Variants in COL21A1 observed in about 807,000 individuals in gnomAD.
The protein encoded by COL21A1 is collagen type XXI alpha 1 chain.
Under a neutral mutation model 137.9 loss-of-function variants are expected in COL21A1, and 149 were observed. That is an observed-to-expected ratio of 1.08 (90% confidence interval 0.95 to 1.24). The LOEUF (loss-of-function observed/expected upper bound fraction) is 1.24, where lower values mean the gene tolerates loss of function less well. COL21A1 is among the 50% of genes most tolerant of loss of function. The pLI is 0.00. For missense variants in COL21A1, 1,167 were observed against 1,158.4 expected, an observed-to-expected ratio of 1.01 and a Z score of -0.11; for synonymous variants, 456 against 391.5, an observed-to-expected ratio of 1.16 and a Z score of -1.95.
intron 1 of COL21A1, chr6:56,225,892 G>C (rs1781153131): frequency 6.6e-6 from 1 of 151,952 alleles, no homozygotes; most frequent in Admixed American, 6.6e-5. Context: ...TGTGGGCTTT[G>C]TTTCCTGGGT....
intron 1 of COL21A1, among the ~76,000 whole-genome samples, chr6:56,325,857 T>TATATATTTAC (rs1765062130): frequency 1.6e-5 from 1 of 60,964 alleles, no homozygotes; most frequent in African/African-American, 6.0e-5. Context: ...ATATATAATA[T>TATATATTTAC]ATTATATATA....
chr6:56,259,208 A>G (rs1763189234), intron 1 of COL21A1, among the ~76,000 whole-genome samples: 1 of 152,210 alleles, frequency 6.6e-6, no homozygotes, highest in African/African-American at 2.4e-5. Flanking sequence ...TTGGATTGTG[A>G]TGGTCTCAGA....
At chr6:56,082,468 T>C (rs1403991413) in intron 17 of COL21A1, among the ~76,000 whole-genome samples, 3 of 151,988 alleles carry the variant, frequency 2.0e-5, no homozygotes, top group Non-Finnish European at 2.9e-5. Context: ...GAAAAGTACC[T>C]ACCACATTTT....
At chr6:56,233,240 G>A (rs979653861) in intron 1 of COL21A1, among the ~76,000 whole-genome samples, 1 of 151,652 alleles carries the variant, frequency 6.6e-6, no homozygotes, top group African/African-American at 2.4e-5. Context: ...TAATTATTGG[G>A]GGCAAGCTCC....
chr6:56,200,365 T>C (rs536148331), intron 1 of COL21A1, among the ~76,000 whole-genome samples: 2 of 152,208 alleles, frequency 1.3e-5, no homozygotes, highest in South Asian at 4.1e-4. Context: ...GCAGGTTGGT[T>C]ACATATGTAT....
At chr6:56,286,142 C>T (rs9357902) in intron 1 of COL21A1, among the ~76,000 whole-genome samples, 104,085 of 152,048 alleles carry the variant, frequency 0.68, 36,648 homozygotes, top group African/African-American at 0.76. Context: ...GGCCATGATA[C>T]AGTTTATGCA....
chr6:56,085,461 T>C (rs539824633), intron 17 of COL21A1, among the ~76,000 whole-genome samples: 1 of 152,230 alleles, frequency 6.6e-6, no homozygotes, highest in South Asian at 2.1e-4. Context: ...TTTCATATTA[T>C]CATTTATGAC....
chr6:56,167,693 C>T (rs1228953035), intron 6 of COL21A1, among the ~76,000 whole-genome samples: 2 of 152,136 alleles, frequency 1.3e-5, no homozygotes, highest in African/African-American at 4.8e-5. Context: ...ACCACAATTG[C>T]TTTATTTTTA....
chr6:56,229,211 T>C (rs1226203325), intron 1 of COL21A1, among the ~76,000 whole-genome samples: 2 of 151,878 alleles, frequency 1.3e-5, no homozygotes, highest in East Asian at 3.9e-4. Flanking sequence ...AGAAACCCTG[T>C]CTCTACAAAA....
intron 1 of COL21A1, among the ~76,000 whole-genome samples, chr6:56,367,172 C>T (rs1179694082): frequency 6.6e-6 from 1 of 152,196 alleles, no homozygotes; most frequent in African/African-American, 2.4e-5. Context: ...CCATTATTCA[C>T]TGATTACTGT....
At chr6:56,284,381 T>C (rs1763854992) in intron 1 of COL21A1, among the ~76,000 whole-genome samples, 2 of 152,194 alleles carry the variant, frequency 1.3e-5, no homozygotes, top group South Asian at 2.1e-4. Context: ...TGTTAAAAAG[T>C]GATCTTCACA....
rs938962355 is a variant in COL21A1, at chr6:56,211,253, T to C, written c.-38-28597A>G. 2.0e-4 allele frequency among the ~76,000 whole-genome samples: 21 copies of C among 105,978 alleles called. 1 individual carries two copies. The highest frequency in any genetic ancestry group is 7.3e-4 in the African/African-American group (20 of 27,566). 69.5% of individuals were successfully genotyped at this position (105,978 alleles called of 152,430 possible). A position where few individuals can be genotyped will look rare whatever the true frequency, so the allele number is the denominator to read the frequency against. The stretch of plus-strand genomic sequence containing the variant: ...CATATATATGTATATGTATATATAA[T>C]GAAAGGATAGGCCACACAGTGGGAG... On this transcript the variant is annotated intron_variant, in intron 1 of 29. Transcript: ENST00000244728.
intron 1 of COL21A1, among the ~76,000 whole-genome samples, chr6:56,260,635 GGA>G (rs1562028786): frequency 2.3e-5 from 1 of 42,744 alleles, no homozygotes; most frequent in Non-Finnish European, 5.3e-5. Context: ...GAGGAAGGAA[GGA>G]AGGAAGGAAG....
intron 16 of COL21A1, among the ~76,000 whole-genome samples, chr6:56,121,520 A>G (rs901025113): frequency 7.0e-6 from 1 of 142,312 alleles, no homozygotes; most frequent in African/African-American, 2.6e-5. Context: ...GTGTATATAT[A>G]TATACATATA....
chr6:56,382,075 C>T (rs2206529), intron 1 of COL21A1, among the ~76,000 whole-genome samples: 10 of 152,142 alleles, frequency 6.6e-5, no homozygotes, highest in African/African-American at 1.9e-4. Context: ...GACAAGGGTT[C>T]GATTTTACCA....
intron 16 of COL21A1, among the ~76,000 whole-genome samples, chr6:56,123,068 G>A (rs1395233851): frequency 2.0e-5 from 3 of 152,194 alleles, no homozygotes; most frequent in Non-Finnish European, 4.4e-5. Flanking sequence ...TAGGTTGCAG[G>A]CAAAGATAAA....
At chr6:56,137,370 G>A (rs547440382) in intron 12 of COL21A1, among the ~76,000 whole-genome samples, 20 of 152,238 alleles carry the variant, frequency 1.3e-4, no homozygotes, top group Middle Eastern at 6.8e-3. Flanking sequence ...GTACAGATCC[G>A]TGGCTTCTTT....
At chr6:56,261,641 T>C (rs1763279817) in intron 1 of COL21A1, among the ~76,000 whole-genome samples, 1 of 152,360 alleles carries the variant, frequency 6.6e-6, no homozygotes, top group Admixed American at 6.5e-5. Flanking sequence ...ATGTTTATTG[T>C]ATTTAAGGTG....
At chr6:56,097,930 T>TATATAAAAATATATATAA (rs1393529716) in intron 17 of COL21A1, among the ~76,000 whole-genome samples, 1 of 91,340 alleles carries the variant, frequency 1.1e-5, no homozygotes, top group Non-Finnish European at 2.0e-5. Context: ...AATATATAAA[T>TATATAAAAATATATATAA]ATATAAAAAT....
Sources: gnomAD v4.1 joint callset for allele counts (sites outside exome capture counted in the v4.1 genomes callset) on GRCh38, gnomAD v4.1.1 for gene constraint, MANE v1.5 for transcripts, NCBI Gene and HGNC (gene_info 2026-07-23, HGNC 2026-07-21) for gene names.